USP6: variants seen among roughly 807,000 people sequenced by gnomAD.
USP6 encodes the protein ubiquitin carboxyl-terminal hydrolase 6.
In USP6, 128 loss-of-function variants were observed where a neutral mutation model predicts 175.7. That is an observed-to-expected ratio of 0.73 (90% confidence interval 0.63 to 0.84). The LOEUF (loss-of-function observed/expected upper bound fraction) is 0.84. USP6 is among the 40% of genes least tolerant of loss of function. The pLI is 0.00. For synonymous variants in USP6, 562 were observed against 630.6 expected, an observed-to-expected ratio of 0.89 and a Z score of 1.63; for missense variants, 1,498 against 1,760.3, an observed-to-expected ratio of 0.85 and a Z score of 2.67.
chr17:5,158,763 T>C (rs1276640055), intron 31 of USP6, among the ~76,000 whole-genome samples: 2 of 152,050 alleles, frequency 1.3e-5, no homozygotes, highest in Admixed American at 6.6e-5. Flanking sequence ...TTTCAAATGC[T>C]ACAGAGGACT....
intron 30 of USP6, among the ~76,000 whole-genome samples, chr17:5,154,069 T>A (rs2073831808): frequency 6.6e-6 from 1 of 152,136 alleles, no homozygotes; most frequent in Non-Finnish European, 1.5e-5. Flanking sequence ...AGGATGAAAA[T>A]TGTGTGGGTT....
intron 30 of USP6, among the ~76,000 whole-genome samples, chr17:5,150,295 AAAATAAATAAATAAAT>A (rs201171351): frequency 1.7e-4 from 23 of 138,880 alleles, no homozygotes; most frequent in South Asian, 4.5e-4. Context: ...TCCGTCTAAA[AAAATAAATAAATAAAT>A]AAATAAATAA....
At chr17:5,126,165 C>G (rs892873356) in intron 6 of USP6, among the ~76,000 whole-genome samples, 6 of 150,240 alleles carry the variant, frequency 4.0e-5, no homozygotes, top group Non-Finnish European at 8.9e-5. Flanking sequence ...GACCATGCTT[C>G]AGTCTCTTTC....
Position 5,164,435 on chromosome 17 carries a change from T to A in USP6, c.3036+1431T>A, listed in dbSNP as rs958939481. Among the ~76,000 whole-genome samples the A allele has an allele frequency of 1.6e-3, 245 of 152,386 alleles. 1 individual carries two copies. The highest frequency in any genetic ancestry group is 2.1e-3 in the Non-Finnish European group (141 of 68,038). On this transcript the variant is annotated intron_variant, in intron 33 of 37. Transcript: ENST00000574788. ...GCTCACTAGCAAGGAGGGAAAATTT[T>A]ACGAGTTGATAGATTCATAAATCTT...
intron 14 of USP6, 31 bp from the exon 15 acceptor site, chr17:5,133,856 G>A (rs780026203): frequency 8.9e-5 from 143 of 1,605,598 alleles, no homozygotes; most frequent in Non-Finnish European, 1.2e-4. Context: ...CTGTTCTGAG[G>A]CTGCTTCCTC....
In USP6 at chr17:5,152,705, A is replaced by G. The variant is rs117163710; in HGVS notation, c.2644-2717A>G. ...ATGTTGATGGAAAGAAGCCAGACAA[A>G]AAAGAATTAGGGTAGGCACAGTGGC... On this transcript the variant is annotated intron_variant, in intron 30 of 37. Coordinates refer to ENST00000574788, the MANE Select transcript of USP6 (RefSeq NM_001304284.2). Among the ~76,000 whole-genome samples the G allele has an allele frequency of 2.6e-3, 401 of 152,310 alleles. 15 individuals are homozygous for G. The East Asian group carries it at 0.063, about 24-fold the overall frequency.
intron 15 of USP6, 172 bp from the exon 16 acceptor site, chr17:5,135,062 C>A (rs1481738359): frequency 2.8e-6 from 2 of 720,012 alleles, no homozygotes; most frequent in Non-Finnish European, 4.9e-6. Flanking sequence ...TTGCATGTCA[C>A]AGATGTGGAT....
intron 32 of USP6, among the ~76,000 whole-genome samples, chr17:5,162,609 T>A (rs1224400035): frequency 6.6e-6 from 1 of 152,248 alleles, no homozygotes; most frequent in Non-Finnish European, 1.5e-5. Context: ...GTCATTTATT[T>A]GCCATAAAGT....
At chr17:5,169,438 T>A (rs950856025) in intron 35 of USP6, among the ~76,000 whole-genome samples, 1 of 152,176 alleles carries the variant, frequency 6.6e-6, no homozygotes, top group African/African-American at 2.4e-5. Flanking sequence ...TTATTTATTT[T>A]ATTTTTTGTT....
rs1306117747 is a variant in USP6, at chr17:5,174,664, A to G, written c.*1686A>G. The G allele has an allele frequency of 9.5e-5, 19 of 199,194 alleles. No homozygotes were observed. In the Admixed American group the frequency reaches 1.1e-3, roughly 12 times the overall value. The allele number at this position is 199,194 out of a possible 1,614,324, so 12.3% of individuals were successfully genotyped here. A position where few individuals can be genotyped will look rare whatever the true frequency, so the allele number is the denominator to read the frequency against. On this transcript the variant is annotated 3_prime_UTR_variant, in exon 38 of 38. Coordinates refer to ENST00000574788, the MANE Select transcript of USP6 (RefSeq NM_001304284.2). ...GGAAGATTTTAAATAATTTCTTTAC[A>G]GATGTTTTATTTAAACAGGTAGCAC...
At chr17:5,160,680 A>G (rs569082130) in intron 31 of USP6, among the ~76,000 whole-genome samples, 115 of 152,346 alleles carry the variant, frequency 7.5e-4, no homozygotes, top group African/African-American at 2.6e-3. Context: ...TAGTGCTGCA[A>G]TAAACACACG....
intron 22 of USP6, among the ~76,000 whole-genome samples, chr17:5,140,523 T>C (rs1012265149): frequency 3.3e-5 from 5 of 152,254 alleles, no homozygotes; most frequent in Non-Finnish European, 7.4e-5. Flanking sequence ...CAGTGAGCCA[T>C]GATTGTACCA....
Position 5,130,497 on chromosome 17 carries a change from G to A in USP6, c.72+58G>A, listed in dbSNP as rs2073030874. 3 of 1,611,920 alleles carry A rather than the reference G, an allele frequency of 1.9e-6. 1 individual carries two copies. In the South Asian group the frequency reaches 3.3e-5, roughly 18 times the overall value. On this transcript the variant is annotated intron_variant, in intron 10 of 37. Transcript: ENST00000574788. ...TCTTCCAGTGCGCCCTGGTCAAAGG[G>A]TCCTGGGTTCCCTAGGAGCACAGGG...
intron 17 of USP6, among the ~76,000 whole-genome samples, chr17:5,136,218 C>T (rs559390591): frequency 6.6e-5 from 10 of 152,364 alleles, no homozygotes; most frequent in African/African-American, 1.9e-4. Flanking sequence ...ACTCTCCCCT[C>T]CCTGAGGGTC....
intron 6 of USP6, chr17:5,126,825 C>G (rs567232558): frequency 8.5e-5 from 13 of 152,386 alleles, no homozygotes; most frequent in Non-Finnish European, 1.9e-4. Context: ...GGACCTTGGT[C>G]CCCCACCTCC....
intron 15 of USP6, chr17:5,135,000 A>T (rs2073204359): frequency 2.1e-6 from 1 of 473,394 alleles, no homozygotes; most frequent in Non-Finnish European, 3.9e-6. Flanking sequence ...AAAGAAAAAA[A>T]AAATCATTCA....
chr17:5,117,600 G>A (rs2072565932), intron 1 of USP6, among the ~76,000 whole-genome samples: 1 of 152,082 alleles, frequency 6.6e-6, no homozygotes. Context: ...TCACAATAAG[G>A]ACTTTGGACT....
At chr17:5,139,902 C>A (rs764926219) in intron 22 of USP6, among the ~76,000 whole-genome samples, 1 of 152,058 alleles carries the variant, frequency 6.6e-6, no homozygotes, top group Non-Finnish European at 1.5e-5. Context: ...GATAATTTCC[C>A]GAGGCTTAAC....
At position 5,120,800 on chromosome 17, in the gene USP6, T is replaced by G. The variant is rs1195003346; in HGVS notation, c.-1675+12T>G. On this transcript the variant is annotated intron_variant, in intron 3 of 37. Transcript: ENST00000574788. The stretch of plus-strand genomic sequence containing the variant: ...GTTTCTTCAGCATGGTGGGTGGCCA[T>G]ATGTAAGCAGGTGTGCACACATGTG... The G allele has an allele frequency of 8.9e-6, 4 of 450,428 alleles. No homozygotes were observed. The highest frequency in any genetic ancestry group is 1.8e-5 in the Non-Finnish European group (4 of 224,612). The allele number at this position is 450,428 out of a possible 1,614,324, so 27.9% of individuals were successfully genotyped here. A position where few individuals can be genotyped will look rare whatever the true frequency, so the allele number is the denominator to read the frequency against.
Sources: gnomAD v4.1 joint callset for allele counts (sites outside exome capture counted in the v4.1 genomes callset) on GRCh38, gnomAD v4.1.1 for gene constraint, MANE v1.5 for transcripts, NCBI Gene and HGNC (gene_info 2026-07-23, HGNC 2026-07-21) for gene names.